The following HSCB variants were observed in gnomAD, a reference collection of about 807,000 sequenced individuals.
HSCB encodes the protein HscB mitochondrial iron-sulfur cluster cochaperone.
HSCB carries 23 observed loss-of-function variants against 31.3 expected under a neutral mutation model. The observed-to-expected ratio is 0.74, with a 90% CI of 0.53 to 1.04. The LOEUF is 1.04. HSCB is among the 50% of genes least tolerant of loss of function. The pLI, the probability that HSCB is intolerant of heterozygous loss-of-function variation, is 0.00. For synonymous variants in HSCB, 110 were observed against 104.5 expected (o/e 1.05, Z -0.32); for missense variants, 297 against 288.1 (o/e 1.03, Z -0.22).
intron 3 of HSCB, chr22:28,745,644 C>G (rs908856863): frequency 2.6e-5 from 10 of 387,214 alleles, no homozygotes; most frequent in Admixed American, 1.8e-4. Flanking sequence ...ATGACTACCC[C>G]AAGATCACAC....
At position 28,757,101 on chromosome 22, in the gene HSCB, A is replaced by T; in HGVS notation, c.640A>T (p.Ile214Phe). The T allele has an allele frequency of 6.4e-7, 1 of 1,571,666 alleles. No homozygotes were observed. Among genetic ancestry groups the T allele is most frequent in the Non-Finnish European group, 8.8e-7 (1 of 1,141,788 alleles). The change falls in exon 6 of 6, where the codon ATT (isoleucine) becomes TTT (phenylalanine). Residue 214 changes from isoleucine to phenylalanine, a missense_variant. By Grantham distance (21) the Ile-to-Phe change is conservative. Coordinates refer to ENST00000216027, the MANE Select transcript of HSCB (RefSeq NM_172002.5). ...AGATGACTTTGAAGAAGCCAAGGAAATTTTGACAAAGATGAGATACTTTTC... is the reference window on the plus strand; with the variant it reads ...AGATGACTTTGAAGAAGCCAAGGAATTTTTGACAAAGATGAGATACTTTTC... ...EQDDFEEAKEILTKMRYFSNI... is the reference protein window; with the variant it reads ...EQDDFEEAKEFLTKMRYFSNI...
At chr22:28,744,755 G>A in intron 3 of HSCB, 51 bp downstream of exon 3, 1 of 1,389,528 alleles carries the variant, frequency 7.2e-7, no homozygotes, top group African/African-American at 1.4e-5. Flanking sequence ...TGCCCATTAT[G>A]GCGTAGGACA....
At chr22:28,755,171 G>A (rs2030526049) in intron 5 of HSCB, among the ~76,000 whole-genome samples, 2 of 150,828 alleles carry the variant, frequency 1.3e-5, no homozygotes, top group South Asian at 4.2e-4. Context: ...AGCACTTTGG[G>A]AGGCCGAGGC....
At chr22:28,746,737 C>T (rs749579443) in intron 4 of HSCB, among the ~76,000 whole-genome samples, 5 of 151,848 alleles carry the variant, frequency 3.3e-5, no homozygotes, top group Non-Finnish European at 5.9e-5. Context: ...CCGTCTCTGC[C>T]TAAAATACAA....
chr22:28,751,185 T>C, intron 4 of HSCB, 56 bp from the exon 5 acceptor site: 2 of 1,053,048 alleles, frequency 1.9e-6, no homozygotes, highest in Non-Finnish European at 1.4e-6. Flanking sequence ...AAGTATTGTC[T>C]TCATATTATG....
chr22:28,745,055 C>CA (rs35101545), intron 3 of HSCB, among the ~76,000 whole-genome samples: 13,473 of 100,580 alleles, frequency 0.13, 818 homozygotes, highest in Middle Eastern at 0.26. Flanking sequence ...TGCACCCTCT[C>CA]AAAAAAAAAA....
chr22:28,744,107 C>T, intron 2 of HSCB, 129 bp downstream of exon 2: 2 of 757,456 alleles, frequency 2.6e-6, no homozygotes, highest in Non-Finnish European at 4.6e-6. Flanking sequence ...GCAGTCTGAC[C>T]CCAGCCTGTC....
chr22:28,745,055 C>CAA (rs35101545), intron 3 of HSCB, among the ~76,000 whole-genome samples: 2,581 of 100,692 alleles, frequency 0.026, 61 homozygotes, highest in South Asian at 0.12. Flanking sequence ...TGCACCCTCT[C>CAA]AAAAAAAAAA....
chr22:28,756,615 T>C (rs5752789), intron 5 of HSCB, among the ~76,000 whole-genome samples: 1 of 152,086 alleles, frequency 6.6e-6, no homozygotes, highest in East Asian at 1.9e-4. Flanking sequence ...ACTACAGGCA[T>C]GTGCCACCAT....
At chr22:28,752,302 G>T (rs186334209) in intron 5 of HSCB, among the ~76,000 whole-genome samples, 2 of 150,986 alleles carry the variant, frequency 1.3e-5, no homozygotes, top group Non-Finnish European at 2.9e-5. Flanking sequence ...GCGCAGTGGC[G>T]CGCCTGTAAT....
rs2054681407 is a variant in HSCB, at chr22:28,746,027, CT to C, written c.568+20del. 6.3e-7 allele frequency: 1 copy of C among 1,596,966 alleles called. No individual in the cohort carries two copies. The highest frequency in any genetic ancestry group is 1.7e-5 in the Admixed American group (1 of 58,474). On this transcript the variant is annotated intron_variant, in intron 4 of 5. Coordinates refer to ENST00000216027, the MANE Select transcript of HSCB (RefSeq NM_172002.5). ...GTCAAAGGTGAAAGATAAAATAGCA[CT>C]GAATGTATTTCATTGCTGTTATGAA...
At chr22:28,753,510 A>G (rs5752787) in intron 5 of HSCB, among the ~76,000 whole-genome samples, 1 of 150,404 alleles carries the variant, frequency 6.6e-6, no homozygotes, top group African/African-American at 2.5e-5. Flanking sequence ...CCTGGGCGAC[A>G]AGAGAAAAAC....
chr22:28,756,324 C>T (rs1481319728), intron 5 of HSCB, among the ~76,000 whole-genome samples: 1 of 152,046 alleles, frequency 6.6e-6, no homozygotes, highest in African/African-American at 2.4e-5. Flanking sequence ...GAGGGTACCT[C>T]TGTGCCTCAG....
intron 5 of HSCB, among the ~76,000 whole-genome samples, chr22:28,755,182 G>A (rs1466873555): frequency 1.3e-5 from 2 of 150,422 alleles, no homozygotes; most frequent in South Asian, 4.2e-4. Context: ...AGGCCGAGGC[G>A]GGCGGATCAC....
At chr22:28,751,487 T>C (rs1383729838) in intron 5 of HSCB, among the ~76,000 whole-genome samples, 199 bp downstream of exon 5, 1 of 152,200 alleles carries the variant, frequency 6.6e-6, no homozygotes, top group East Asian at 1.9e-4. Flanking sequence ...CGGTGGCTAA[T>C]GCCTGTAATC....
chr22:28,751,729 G>C (rs1007550086), intron 5 of HSCB, among the ~76,000 whole-genome samples: 3 of 145,694 alleles, frequency 2.1e-5, no homozygotes, highest in Non-Finnish European at 1.5e-5. Flanking sequence ...CTGAGTGACA[G>C]AGCGAGACTC....
At chr22:28,754,005 TGCCTG>T (rs996965412) in intron 5 of HSCB, among the ~76,000 whole-genome samples, 2 of 147,132 alleles carry the variant, frequency 1.4e-5, no homozygotes, top group Admixed American at 1.3e-4. Flanking sequence ...TGGTGGCAGA[TGCCTG>T]TAATCCCAGC....
At chr22:28,742,677 A>C in intron 1 of HSCB, 1 of 364,052 alleles carries the variant, frequency 2.7e-6, no homozygotes. Flanking sequence ...AACTTGAGGA[A>C]AGGGTACTTG....
At chr22:28,749,225 C>G (rs2030059986) in intron 4 of HSCB, among the ~76,000 whole-genome samples, 2 of 152,094 alleles carry the variant, frequency 1.3e-5, no homozygotes, top group African/African-American at 2.4e-5. Flanking sequence ...ATGCCGTGGC[C>G]TCTGCTTCTC....
Sources: gnomAD v4.1 joint callset for allele counts (sites outside exome capture counted in the v4.1 genomes callset) on GRCh38, gnomAD v4.1.1 for gene constraint, MANE v1.5 for transcripts, NCBI Gene and HGNC (gene_info 2026-07-23, HGNC 2026-07-21) for gene names.